Variants in CSMD1 observed in about 807,000 individuals in gnomAD.
CSMD1 encodes CUB and Sushi multiple domains 1.
In CSMD1, 213 loss-of-function variants were observed where a neutral mutation model predicts 417.5. The observed-to-expected ratio is 0.51, with a 90% CI of 0.46 to 0.57. The LOEUF is 0.57. Ranked by LOEUF, CSMD1 falls within the 20% of genes least tolerant of loss-of-function variation. The pLI, the probability that CSMD1 is intolerant of heterozygous loss-of-function variation, is 0.00. For synonymous variants in CSMD1, 2,862 were observed against 1,736.8 expected (o/e 1.65, Z -16.11); for missense variants, 6,923 against 4,529.7 (o/e 1.53, Z -15.17).
intron 3 of CSMD1, among the ~76,000 whole-genome samples, chr8:4,135,297 G>A (rs938173897): frequency 7.0e-6 from 1 of 142,448 alleles, no homozygotes; most frequent in East Asian, 2.1e-4. Context: ...AAGGAAGACA[G>A]AAGAAAGGAA....
Position 4,535,978 on chromosome 8 carries a change from T to C in CSMD1, c.302+101364A>G, listed in dbSNP as rs1012847536. ...AATGTTGATGTAATTATTTGTTTTATCTTAAAATAAATAAAAGTTTCAGAA... is the reference window on the plus strand; with the variant it reads ...AATGTTGATGTAATTATTTGTTTTACCTTAAAATAAATAAAAGTTTCAGAA... On this transcript the variant is annotated intron_variant, in intron 2 of 69. Transcript: ENST00000635120. 2.0e-5 allele frequency among the ~76,000 whole-genome samples: 3 copies of C among 150,976 alleles called. No homozygotes were observed. In the South Asian group the frequency reaches 6.2e-4, roughly 31 times the overall value.
At chr8:4,099,091 C>A (rs1345274873) in intron 3 of CSMD1, among the ~76,000 whole-genome samples, 1 of 151,992 alleles carries the variant, frequency 6.6e-6, no homozygotes, top group Non-Finnish European at 1.5e-5. Flanking sequence ...TTATTTTCAT[C>A]TGTTTTTTTC....
At chr8:4,722,965 A>G (rs1809160218) in intron 1 of CSMD1, among the ~76,000 whole-genome samples, 1 of 152,164 alleles carries the variant, frequency 6.6e-6, no homozygotes, top group South Asian at 2.1e-4. Context: ...TTCAGCTTAG[A>G]GTGCTAAGGT....
intron 49 of CSMD1, among the ~76,000 whole-genome samples, chr8:3,059,878 C>T (rs117954808): frequency 1.1e-4 from 17 of 152,012 alleles, no homozygotes; most frequent in Admixed American, 2.6e-4. Flanking sequence ...ATTTCTCAAA[C>T]GGGATTCACT....
At chr8:4,831,029 A>G (rs1585175624) in intron 1 of CSMD1, among the ~76,000 whole-genome samples, 1 of 152,200 alleles carries the variant, frequency 6.6e-6, no homozygotes, top group African/African-American at 2.4e-5. Flanking sequence ...TTGGTGAATA[A>G]CAGGATGATC....
chr8:3,252,378 A>C (rs1800337252), intron 26 of CSMD1, among the ~76,000 whole-genome samples: 1 of 152,320 alleles, frequency 6.6e-6, no homozygotes, highest in South Asian at 2.1e-4. Context: ...TGATTTGCAT[A>C]TGTTGAACCA....
chr8:3,588,095 T>A (rs2117009820), intron 8 of CSMD1, among the ~76,000 whole-genome samples: 1 of 150,378 alleles, frequency 6.6e-6, no homozygotes, highest in South Asian at 2.1e-4. Flanking sequence ...TAAAAAATTG[T>A]TATATCTTTG....
At chr8:3,108,897 G>C (rs904528674) in intron 43 of CSMD1, 149 bp from the exon 44 acceptor site, 1 of 792,456 alleles carries the variant, frequency 1.3e-6, no homozygotes, top group Admixed American at 2.9e-5. Context: ...TCAAGATGTT[G>C]AATGTCCACA....
intron 26 of CSMD1, among the ~76,000 whole-genome samples, chr8:3,240,030 AG>A (rs1455358368): frequency 1.3e-5 from 2 of 152,056 alleles, no homozygotes; most frequent in Non-Finnish European, 2.9e-5. Flanking sequence ...AACTGTAGAG[AG>A]TGAGTTGAGC....
At chr8:3,179,127 A>G (rs1217574821) in intron 37 of CSMD1, among the ~76,000 whole-genome samples, 8 of 151,050 alleles carry the variant, frequency 5.3e-5, no homozygotes, top group South Asian at 2.1e-4. Context: ...TTGTATTTTT[A>G]GTAGATACGG....
chr8:4,216,651 G>T (rs17069501), intron 3 of CSMD1, among the ~76,000 whole-genome samples: 2 of 152,050 alleles, frequency 1.3e-5, no homozygotes, highest in African/African-American at 4.8e-5. Context: ...GTGTTCTTTC[G>T]TAAATGACTG....
At chr8:4,403,655 A>G (rs1804813426) in intron 3 of CSMD1, among the ~76,000 whole-genome samples, 1 of 152,008 alleles carries the variant, frequency 6.6e-6, no homozygotes, top group Admixed American at 6.6e-5. Context: ...ATTTGTTTTC[A>G]TCTCTCTAGA....
chr8:4,450,505 C>T (rs564006627), intron 2 of CSMD1, among the ~76,000 whole-genome samples: 10 of 152,068 alleles, frequency 6.6e-5, no homozygotes, highest in East Asian at 1.9e-4. Context: ...TGTGGTGGTG[C>T]GGGCCTGTAG....
intron 2 of CSMD1, among the ~76,000 whole-genome samples, chr8:4,578,299 G>C (rs1585277057): frequency 6.9e-6 from 1 of 145,782 alleles, no homozygotes; most frequent in Non-Finnish European, 1.5e-5. Context: ...TAGAGTAGCT[G>C]GGATTACAGG....
intron 6 of CSMD1, among the ~76,000 whole-genome samples, chr8:3,723,853 A>G (rs191028284): frequency 6.6e-6 from 1 of 152,334 alleles, no homozygotes; most frequent in East Asian, 1.9e-4. Context: ...TTCATTCAAA[A>G]TGCAAAATAG....
chr8:3,945,865 C>G (rs1171649318), intron 5 of CSMD1, among the ~76,000 whole-genome samples: 1 of 152,018 alleles, frequency 6.6e-6, no homozygotes, highest in Non-Finnish European at 1.5e-5. Flanking sequence ...AATCATTATT[C>G]CAGAAATGCT....
chr8:2,955,761 G>C lies in CSMD1; in HGVS notation c.9822C>G (p.Ala3274=), dbSNP rs751990499. 205 of 1,613,332 alleles carry C rather than the reference G, an allele frequency of 1.3e-4. No individual in the cohort carries two copies. Among genetic ancestry groups the C allele is most frequent in the Non-Finnish European group, 1.6e-4 (191 of 1,179,638 alleles). ...GTGCCGGGGTTTCTGGCTGTCTGCA[G>C]GCATGAGCTGAAACAACATTAGGAA... The part of the protein sequence containing the change: ...SGIQTECIPH[A]CRQPETPAHA... The change falls in exon 64 of 70, where the codon GCC becomes GCG. Residue 3274 remains alanine, a synonymous_variant. Transcript: ENST00000635120.
At chr8:4,951,353 C>G (rs540199302) in intron 1 of CSMD1, among the ~76,000 whole-genome samples, 45 of 151,842 alleles carry the variant, frequency 3.0e-4, no homozygotes, top group Non-Finnish European at 5.3e-4. Context: ...GCTATCTCTG[C>G]TCTTAATTGC....
chr8:4,869,327 G>A (rs1271766365), intron 1 of CSMD1, among the ~76,000 whole-genome samples: 1 of 152,012 alleles, frequency 6.6e-6, no homozygotes. Context: ...AGTTGTGTCT[G>A]TAGGGAAACT....
Sources: allele counts gnomAD v4.1 joint callset (sites outside exome capture counted in the v4.1 genomes callset), GRCh38; gene constraint gnomAD v4.1.1; transcripts MANE v1.5; gene names NCBI Gene and HGNC (gene_info 2026-07-23, HGNC 2026-07-21).